The following GLO1 variants were observed in gnomAD, a reference collection of about 807,000 sequenced individuals.
GLO1 encodes glyoxalase I.
Under a neutral mutation model 26.0 loss-of-function variants are expected in GLO1, and 28 were observed. The observed-to-expected ratio is 1.08, with a 90% CI of 0.80 to 1.48. The LOEUF (loss-of-function observed/expected upper bound fraction) is 1.48, where lower values mean the gene tolerates loss of function less well. Among genes scored for constraint, GLO1 ranks in the 40% most tolerant of loss-of-function variants. The probability of loss-of-function intolerance (pLI) is 0.00; values close to 1 mark genes in which losing one functional copy is unlikely to be tolerated. For missense variants in GLO1, 225 were observed against 224.8 expected (o/e 1.00, Z -0.01); for synonymous variants, 78 against 77.6 (o/e 1.00, Z -0.03).
At chr6:38,677,527 C>A in intron 5 of GLO1, 144 bp from the exon 6 acceptor site, 1 of 600,046 alleles carries the variant, frequency 1.7e-6, no homozygotes, top group Non-Finnish European at 3.0e-6. Context: ...GCTTGACCTC[C>A]TGAGCTCAGC....
chr6:38,702,029 C>G (rs1761710746), intron 1 of GLO1, among the ~76,000 whole-genome samples: 1 of 151,378 alleles, frequency 6.6e-6, no homozygotes, highest in South Asian at 2.1e-4. Context: ...CTCCCGGGTT[C>G]ATGCCATTCT....
At chr6:38,684,951 G>A (rs1761440371) in intron 2 of GLO1, among the ~76,000 whole-genome samples, 1 of 152,092 alleles carries the variant, frequency 6.6e-6, no homozygotes, top group Non-Finnish European at 1.5e-5. Context: ...AAAACATCTA[G>A]GAAAGGAAAT....
At chr6:38,702,919 G>T in intron 1 of GLO1, 52 bp downstream of exon 1, 1 of 1,059,628 alleles carries the variant, frequency 9.4e-7, no homozygotes, top group Non-Finnish European at 1.5e-6. Context: ...AATGCGGCCC[G>T]GTCCCGGCCC....
intron 1 of GLO1, among the ~76,000 whole-genome samples, chr6:38,702,692 G>C (rs1312043503): frequency 6.6e-6 from 1 of 152,196 alleles, no homozygotes; most frequent in Non-Finnish European, 1.5e-5. Flanking sequence ...TGGGAAAGCT[G>C]ACCCTGGGTT....
chr6:38,694,006 G>A (rs1463493804), intron 1 of GLO1, among the ~76,000 whole-genome samples: 4 of 152,022 alleles, frequency 2.6e-5, no homozygotes, highest in African/African-American at 9.7e-5. Flanking sequence ...CACTGCACCC[G>A]GCCTCAGCTC....
At position 38,682,053 on chromosome 6, in the gene GLO1, A is replaced by T; in HGVS notation, c.425T>A (p.Phe142Tyr). ...CACAAATTTGACTCCCAGTTCTTCA[A>T]ACCTTTTACAAGCACTGTATACATC... ...VPDVYSACKRFEELGVKFVKK... is the reference protein window; with the variant it reads ...VPDVYSACKRYEELGVKFVKK... The change falls in exon 5 of 6, where the codon TTT becomes TAT. Residue 142 changes from phenylalanine (F) to tyrosine (Y), a missense_variant. Coordinates refer to ENST00000373365, the MANE Select transcript of GLO1 (RefSeq NM_006708.3). The T allele has an allele frequency of 6.3e-7, 1 of 1,597,444 alleles. No homozygotes were observed. Among genetic ancestry groups the T allele is most frequent in the Non-Finnish European group, 8.6e-7 (1 of 1,164,814 alleles).
chr6:38,687,588 G>A (rs567794126), intron 1 of GLO1, among the ~76,000 whole-genome samples: 1 of 152,320 alleles, frequency 6.6e-6, no homozygotes, highest in East Asian at 1.9e-4. Flanking sequence ...AAAAGTTACT[G>A]TTGCTAACAC....
intron 1 of GLO1, among the ~76,000 whole-genome samples, chr6:38,691,256 G>A (rs565899619): frequency 5.9e-5 from 9 of 152,010 alleles, no homozygotes; most frequent in East Asian, 1.9e-4. Context: ...GGTTTTTTTC[G>A]GGGGGAGGGG....
At position 38,703,120 on chromosome 6, in the gene GLO1, G is replaced by C. The variant is rs1223658402; in HGVS notation, c.-66C>G. ...GGAGGAGTCACCCACACTACGCCTC[G>C]GCCCTGTGCCGCCTTAACTAGGAAT... On this transcript the variant is annotated 5_prime_UTR_variant, in exon 1 of 6. Coordinates refer to ENST00000373365, the MANE Select transcript of GLO1 (RefSeq NM_006708.3). 2.1e-6 allele frequency: 2 copies of C among 932,176 alleles called. No homozygotes were observed. The highest frequency in any genetic ancestry group is 1.7e-5 in the African/African-American group (1 of 58,018). 57.7% of individuals were successfully genotyped at this position (932,176 alleles called of 1,614,324 possible).
intron 1 of GLO1, among the ~76,000 whole-genome samples, chr6:38,699,967 T>C (rs1395328458): frequency 6.6e-6 from 1 of 152,178 alleles, no homozygotes; most frequent in African/African-American, 2.4e-5. Context: ...GTTCTGCTTT[T>C]TGCCCTTTGA....
chr6:38,684,656 G>GA, intron 2 of GLO1, 142 bp from the exon 3 acceptor site: 1 of 390,608 alleles, frequency 2.6e-6, no homozygotes, highest in Non-Finnish European at 4.3e-6. Flanking sequence ...TAAGCAGGAG[G>GA]AAAAATCAGT....
rs1237047742 is a variant in GLO1 at position 38,676,270 on chromosome 6, T to G, written c.*1025A>C. 4 of 152,196 alleles carry G rather than the reference T, an allele frequency of 2.6e-5. No individual in the cohort carries two copies. Among genetic ancestry groups the G allele is most frequent in the Non-Finnish European group, 5.9e-5 (4 of 68,034 alleles). The allele number at this position is 152,196 out of a possible 1,614,324, so 9.4% of individuals were successfully genotyped here. A position where few individuals can be genotyped will look rare whatever the true frequency, so the allele number is the denominator to read the frequency against. On this transcript the variant is annotated 3_prime_UTR_variant, in exon 6 of 6. Coordinates refer to ENST00000373365, the MANE Select transcript of GLO1 (RefSeq NM_006708.3). ...TTATCACTGAACATAATTTATCATA[T>G]ATGGCTACTGGCATCATGAAGACCT...
At chr6:38,683,591 TA>T (rs1301461169) in intron 3 of GLO1, among the ~76,000 whole-genome samples, 1 of 152,124 alleles carries the variant, frequency 6.6e-6, no homozygotes, top group Non-Finnish European at 1.5e-5. Context: ...TTCTCTTATC[TA>T]AAAGACAAAT....
chr6:38,691,325 T>A (rs1204293019), intron 1 of GLO1, among the ~76,000 whole-genome samples: 1 of 151,358 alleles, frequency 6.6e-6, no homozygotes, highest in Admixed American at 6.6e-5. Flanking sequence ...TTTTTTTTTT[T>A]AAGATGGAGT....
intron 5 of GLO1, among the ~76,000 whole-genome samples, chr6:38,678,731 C>T (rs1437528094): frequency 6.6e-6 from 1 of 152,204 alleles, no homozygotes; most frequent in African/African-American, 2.4e-5. Context: ...ATCTCCCCAG[C>T]CCTCTCTCCA....
chr6:38,691,386 C>G (rs889468914), intron 1 of GLO1, among the ~76,000 whole-genome samples: 1 of 151,984 alleles, frequency 6.6e-6, no homozygotes, highest in Non-Finnish European at 1.5e-5. Context: ...TGGCTCACTG[C>G]AAGCTCCGCC....
In GLO1 at chr6:38,696,586, T is replaced by C. The variant is rs77538692; in HGVS notation, c.84+6385A>G. On this transcript the variant is annotated intron_variant, in intron 1 of 5. Coordinates refer to ENST00000373365, the MANE Select transcript of GLO1 (RefSeq NM_006708.3). ...AGTCTCTTTTATAGGATGCTAATCC[T>C]AATCATGAAGACTTTGTCCTCATGA... 2.1e-3 allele frequency among the ~76,000 whole-genome samples: 327 copies of C among 152,330 alleles called. 1 individual carries two copies. The Middle Eastern group carries it at 0.031, about 14-fold the overall frequency.
At chr6:38,681,380 A>G (rs1562481531) in intron 5 of GLO1, among the ~76,000 whole-genome samples, 1 of 152,148 alleles carries the variant, frequency 6.6e-6, no homozygotes, top group Non-Finnish European at 1.5e-5. Flanking sequence ...TAAGTATTTT[A>G]ATTTTTTTAA....
intron 4 of GLO1, among the ~76,000 whole-genome samples, chr6:38,682,329 TAATC>T (rs751279017): frequency 7.9e-5 from 12 of 152,306 alleles, no homozygotes; most frequent in African/African-American, 2.4e-4. Context: ...TATTTAAAAT[TAATC>T]AATATCAGCT....
Sources: allele counts gnomAD v4.1 joint callset (sites outside exome capture counted in the v4.1 genomes callset), GRCh38; gene constraint gnomAD v4.1.1; transcripts MANE v1.5; gene names NCBI Gene and HGNC (gene_info 2026-07-23, HGNC 2026-07-21).